Variants in ADGRL3 observed in about 807,000 individuals in gnomAD.
ADGRL3 encodes calcium-independent alpha-latrotoxin receptor 3.
ADGRL3 carries 62 observed loss-of-function variants against 153.5 expected under a neutral mutation model. The ratio of observed to expected loss-of-function variants is 0.40; its 90% confidence interval spans 0.33 to 0.50. The LOEUF (loss-of-function observed/expected upper bound fraction) is 0.50. Ranked by LOEUF, ADGRL3 falls within the 20% of genes least tolerant of loss-of-function variation. ADGRL3 has a pLI of 0.47. For missense variants in ADGRL3, 1,641 were observed against 1,859.4 expected, an observed-to-expected ratio of 0.88 and a Z score of 2.16; for synonymous variants, 710 against 672.5, an observed-to-expected ratio of 1.06 and a Z score of -0.86.
At chr4:61,698,173 C>T (rs970569164) in intron 6 of ADGRL3, among the ~76,000 whole-genome samples, 4 of 152,098 alleles carry the variant, frequency 2.6e-5, no homozygotes, top group South Asian at 2.1e-4. Context: ...TTACTGAGGC[C>T]GGGCGTGGTG....
chr4:62,044,376 A>G lies in ADGRL3; in HGVS notation c.3718-77A>G, dbSNP rs570629084. 9.2e-6 allele frequency: 9 copies of G among 973,418 alleles called. No homozygotes were observed. The East Asian group carries it at 2.4e-4, about 25-fold the overall frequency. The allele number at this position is 973,418 out of a possible 1,614,324, so 60.3% of individuals were successfully genotyped here. A position where few individuals can be genotyped will look rare whatever the true frequency, so the allele number is the denominator to read the frequency against. On this transcript the variant is annotated intron_variant, in intron 24 of 26. Transcript: ENST00000683033. ...AACAAAGGTCTCATATAATTATGAC[A>G]GAAAAGAAAAGAATGATTTGTGTGA...
intron 4 of ADGRL3, among the ~76,000 whole-genome samples, chr4:61,544,962 A>G (rs1373610822): frequency 6.6e-6 from 1 of 152,182 alleles, no homozygotes; most frequent in Non-Finnish European, 1.5e-5. Flanking sequence ...ATGTTAAAAC[A>G]CATTGTCAAA....
Position 61,947,035 on chromosome 4 carries a change from C to G in ADGRL3, c.2541C>G (p.Ser847=). 1 of 1,613,656 alleles carries G rather than the reference C, an allele frequency of 6.2e-7. No individual in the cohort carries two copies. The highest frequency in any genetic ancestry group is 1.7e-5 in the Admixed American group (1 of 60,010). ...CAAATCATTCTGTTATTGTCAATTC[C>G]CCTGTTATTACGGCAGCAATAAACA... is the stretch of plus-strand genomic sequence containing the variant. ...LSTNHSVIVN[S]PVITAAINKE... Residue 847 remains serine, a synonymous_variant, in exon 16 of 27, where the codon TCC becomes TCG. Transcript: ENST00000683033.
At chr4:61,596,034 G>C (rs1035220756) in intron 5 of ADGRL3, among the ~76,000 whole-genome samples, 4 of 152,118 alleles carry the variant, frequency 2.6e-5, no homozygotes, top group Admixed American at 2.6e-4. Context: ...GCCGGGGAAT[G>C]GGGAGGGGTG....
rs760206905 is a variant in ADGRL3, at chr4:61,892,698, C to T, written c.1523C>T (p.Thr508Ile). ...CCTCTTGGCATGGGAAGCACTACCA[C>T]CAGTACCACCCTTCGGACCACAACT... ...TGPLGMGSTTTSTTLRTTTLS... is the reference protein window; with the variant it reads ...TGPLGMGSTTISTTLRTTTLS... Residue 508 changes from threonine to isoleucine, a missense_variant, in exon 10 of 27, where the codon ACC becomes ATC. Coordinates refer to ENST00000683033, the MANE Select transcript of ADGRL3 (RefSeq NM_001387552.1). 1.5e-5 allele frequency: 25 copies of T among 1,613,830 alleles called. No individual in the cohort carries two copies. Among genetic ancestry groups the T allele is most frequent in the Non-Finnish European group, 2.1e-5 (25 of 1,179,866 alleles).
rs9312082 is a variant in ADGRL3 at position 61,733,571 on chromosome 4, G to A, written c.1399+17G>A. 0.63 allele frequency: 981,521 copies of A among 1,547,882 alleles called. 317,155 individuals are homozygous for A. Among genetic ancestry groups the A allele is most frequent in the East Asian group, 0.91 (40,504 of 44,288 alleles). ...GTAGATCAGGTAAGTTCAACCTTTT[G>A]TGGTACTCTTTGGGGAAATATTTAC... is the stretch of plus-strand genomic sequence containing the variant. On this transcript the variant is annotated intron_variant, in intron 8 of 26. Transcript: ENST00000683033.
intron 8 of ADGRL3, among the ~76,000 whole-genome samples, chr4:61,768,791 C>T (rs1025761309): frequency 2.6e-5 from 4 of 151,674 alleles, no homozygotes; most frequent in Non-Finnish European, 5.9e-5. Flanking sequence ...AGAGTAGAGG[C>T]ACGGAGAAGG....
chr4:61,988,474 G>A (rs1015208593), intron 19 of ADGRL3, among the ~76,000 whole-genome samples: 1 of 152,062 alleles, frequency 6.6e-6, no homozygotes, highest in Non-Finnish European at 1.5e-5. Flanking sequence ...TGCCATCAAT[G>A]TGATACTGTC....
intron 22 of ADGRL3, among the ~76,000 whole-genome samples, 187 bp downstream of exon 22, chr4:62,029,068 C>CA (rs201321264): frequency 4.7e-5 from 7 of 150,310 alleles, no homozygotes; most frequent in African/African-American, 1.2e-4. Flanking sequence ...GGTGTATTGC[C>CA]AAAAAAAAAT....
At chr4:61,728,535 A>T (rs143216120) in intron 6 of ADGRL3, among the ~76,000 whole-genome samples, 28 of 152,234 alleles carry the variant, frequency 1.8e-4, no homozygotes, top group African/African-American at 6.5e-4. Context: ...GAGAAATAAA[A>T]CTCACAAAGA....
At chr4:61,860,112 T>C (rs1022865928) in intron 9 of ADGRL3, among the ~76,000 whole-genome samples, 2 of 152,200 alleles carry the variant, frequency 1.3e-5, no homozygotes, top group African/African-American at 4.8e-5. Context: ...GAGTTCCTTG[T>C]AGACAGTCTT....
At chr4:61,647,457 A>G (rs2094066182) in intron 5 of ADGRL3, among the ~76,000 whole-genome samples, 1 of 152,188 alleles carries the variant, frequency 6.6e-6, no homozygotes, top group South Asian at 2.1e-4. Flanking sequence ...ACACATTGGT[A>G]GACAACAATA....
chr4:61,932,937 C>A (rs2098823681), intron 13 of ADGRL3, among the ~76,000 whole-genome samples: 1 of 151,628 alleles, frequency 6.6e-6, no homozygotes, highest in South Asian at 2.1e-4. Flanking sequence ...TCGGAGTTGA[C>A]CATAGTTGTT....
chr4:61,899,124 C>G (rs1221668551), intron 11 of ADGRL3, among the ~76,000 whole-genome samples: 3 of 152,136 alleles, frequency 2.0e-5, no homozygotes, highest in African/African-American at 7.2e-5. Context: ...ACAGGCTGCT[C>G]TTTGTTAGAA....
At chr4:62,058,035 G>A (rs1236597125) in intron 25 of ADGRL3, among the ~76,000 whole-genome samples, 1 of 152,080 alleles carries the variant, frequency 6.6e-6, no homozygotes, top group African/African-American at 2.4e-5. Flanking sequence ...TTATTAAAGG[G>A]CTAATTCTTG....
chr4:61,802,808 C>G (rs975490780), intron 8 of ADGRL3, among the ~76,000 whole-genome samples: 16 of 152,072 alleles, frequency 1.1e-4, no homozygotes, highest in African/African-American at 3.9e-4. Context: ...TAAATCTACT[C>G]TAGTAGAGGT....
At chr4:61,555,879 C>G (rs1276537528) in intron 4 of ADGRL3, among the ~76,000 whole-genome samples, 1 of 152,176 alleles carries the variant, frequency 6.6e-6, no homozygotes, top group Non-Finnish European at 1.5e-5. Context: ...GGGAGTGAAG[C>G]AGTGAGGACA....
intron 5 of ADGRL3, among the ~76,000 whole-genome samples, chr4:61,660,000 G>A (rs1285382105): frequency 6.6e-6 from 1 of 152,060 alleles, no homozygotes; most frequent in Non-Finnish European, 1.5e-5. Context: ...ATATTGGGGG[G>A]ACAGAGGAGA....
chr4:61,323,546 T>A (rs2095407361), intron 1 of ADGRL3, among the ~76,000 whole-genome samples: 2 of 152,130 alleles, frequency 1.3e-5, no homozygotes, highest in East Asian at 1.9e-4. Flanking sequence ...ACACCCTAAA[T>A]CATCTAAGTT....
Sources: gnomAD v4.1 joint callset for allele counts (sites outside exome capture counted in the v4.1 genomes callset) on GRCh38, gnomAD v4.1.1 for gene constraint, MANE v1.5 for transcripts, NCBI Gene and HGNC (gene_info 2026-07-23, HGNC 2026-07-21) for gene names.